The following GLIS2 variants were observed in gnomAD, a reference collection of about 807,000 sequenced individuals.
The protein encoded by GLIS2 is zinc finger protein GLIS2.
In GLIS2, 14 loss-of-function variants were observed where a neutral mutation model predicts 35.6. The ratio of observed to expected loss-of-function variants is 0.39; its 90% CI spans 0.26 to 0.61. The LOEUF (loss-of-function observed/expected upper bound fraction) is 0.61, where lower values mean the gene tolerates loss of function less well. Ranked by LOEUF, GLIS2 falls within the 20% of genes least tolerant of loss-of-function variation. GLIS2 has a pLI of 0.48. For synonymous variants in GLIS2, 368 were observed against 325.1 expected (o/e 1.13, Z -1.42); for missense variants, 675 against 713.4 (o/e 0.95, Z 0.61).
chr16:4,339,189 G>A lies in GLIS2; in HGVS notation c.*1665G>A, dbSNP rs2053597302. ...GGGGCTATGAGCAAGGTAGGAGGGA[G>A]CTGGTCTCCTTTCTTCGGGCCCCAC... On this transcript the variant is annotated 3_prime_UTR_variant, in exon 7 of 7. Transcript: ENST00000433375. 6.6e-6 allele frequency: 1 copy of A among 152,530 alleles called. No homozygotes were observed. The highest frequency in any genetic ancestry group is 2.4e-5 in the African/African-American group (1 of 41,472). 9.4% of individuals were successfully genotyped at this position (152,530 alleles called of 1,614,324 possible).
rs768048691 is a variant in GLIS2, at chr16:4,337,345, G to A, written c.1396G>A (p.Glu466Lys). 1 of 1,589,866 alleles carries A rather than the reference G, an allele frequency of 6.3e-7. No individual in the cohort carries two copies. Among genetic ancestry groups the A allele is most frequent in the South Asian group, 1.1e-5 (1 of 87,562 alleles). The change falls in exon 7 of 7, where the codon GAA becomes AAA. Residue 466 changes from glutamate to lysine, a missense_variant. Physicochemically the swap from Glu to Lys is moderately conservative, Grantham distance 56. Coordinates refer to ENST00000433375, the MANE Select transcript of GLIS2 (RefSeq NM_032575.3). ...LGMEGHKTPL[E>K]RTESSCSRPS... ...CATGGAGGGCCACAAGACGCCCCTTGAAAGGACGGAGAGCAGCTGCTCCCG... is the reference window on the plus strand; with the variant it reads ...CATGGAGGGCCACAAGACGCCCCTTAAAAGGACGGAGAGCAGCTGCTCCCG...
upstream of GLIS2, among the ~76,000 whole-genome samples, chr16:4,315,804 C>T (rs1325264994): frequency 1.3e-5 from 2 of 150,448 alleles, no homozygotes; most frequent in Non-Finnish European, 3.0e-5. Context: ...CGGCCCAGCG[C>T]CGGCTCCCGC....
intron 1 of GLIS2, among the ~76,000 whole-genome samples, chr16:4,330,079 C>A (rs1439484131): frequency 6.6e-6 from 1 of 152,132 alleles, no homozygotes; most frequent in African/African-American, 2.4e-5. Context: ...GAGTTTGAGA[C>A]CAGCCTGGCC....
intron 1 of GLIS2, among the ~76,000 whole-genome samples, chr16:4,323,327 G>A (rs1041596978): frequency 2.6e-5 from 4 of 152,194 alleles, no homozygotes; most frequent in African/African-American, 9.7e-5. Flanking sequence ...AGGTGTGGGG[G>A]CTGCGGGGCG....
rs772084757 is a variant in GLIS2 at position 4,337,483 on chromosome 16, C to A, written c.1534C>A (p.Pro512Thr). The A allele has an allele frequency of 1.3e-6, 2 of 1,570,288 alleles. No individual in the cohort carries two copies. The highest frequency in any genetic ancestry group is 2.3e-5 in the South Asian group (2 of 86,520). Reference protein sequence around the residue: ...EALAPGWVVIPPGSVLLKPAV... With the variant: ...EALAPGWVVITPGSVLLKPAV... ...GTTGGCCCCTGGCTGGGTGGTCATC[C>A]CGCCGGGCTCGGTGCTGCTCAAACC... The change falls in exon 7 of 7, where the codon CCG becomes ACG. Residue 512 changes from proline (P) to threonine (T), a missense_variant. Physicochemically the swap from Pro to Thr is conservative, Grantham distance 38. Coordinates refer to ENST00000433375, the MANE Select transcript of GLIS2 (RefSeq NM_032575.3).
At chr16:4,328,104 G>A (rs889763627) in intron 1 of GLIS2, among the ~76,000 whole-genome samples, 5 of 152,230 alleles carry the variant, frequency 3.3e-5, no homozygotes, top group African/African-American at 9.6e-5. Flanking sequence ...TGCGCCCGGG[G>A]AGCATCCACG....
intron 1 of GLIS2, among the ~76,000 whole-genome samples, chr16:4,330,854 G>A (rs372656196): frequency 3.2e-4 from 49 of 152,346 alleles, no homozygotes; most frequent in Middle Eastern, 6.8e-3. Flanking sequence ...TCTCTGCAGC[G>A]CTGTGACATG....
intron 1 of GLIS2, among the ~76,000 whole-genome samples, chr16:4,331,181 C>T (rs1343461515): frequency 6.6e-6 from 1 of 151,930 alleles, no homozygotes; most frequent in Non-Finnish European, 1.5e-5. Flanking sequence ...GGGGTTTCAG[C>T]GTGTTAGCCA....
In GLIS2 at chr16:4,332,143, G is replaced by C; in HGVS notation, c.-66-72G>C. 2 of 1,095,668 alleles carry C rather than the reference G, an allele frequency of 1.8e-6. No homozygotes were observed. The highest frequency in any genetic ancestry group is 2.7e-6 in the Non-Finnish European group (2 of 746,142). The allele number at this position is 1,095,668 out of a possible 1,614,324, so 67.9% of individuals were successfully genotyped here. A position where few individuals can be genotyped will look rare whatever the true frequency, so the allele number is the denominator to read the frequency against. ...CTGCCCCCTGCTCCTGCTCCTGTTA[G>C]ACTGTCATGAGTACAGCCCGAGGAG... On this transcript the variant is annotated intron_variant, in intron 1 of 6. Transcript: ENST00000433375. This position sits in a 1 kb window ranked among gnomAD's most constrained non-coding sequence, Gnocchi z 5.4.
At chr16:4,328,740 C>T (rs1427193065) in intron 1 of GLIS2, among the ~76,000 whole-genome samples, 3 of 152,162 alleles carry the variant, frequency 2.0e-5, no homozygotes, top group South Asian at 4.1e-4. Context: ...GGCTTTGGGC[C>T]GTGTGGCTGG....
intron 6 of GLIS2, 117 bp from the exon 7 acceptor site, chr16:4,336,608 A>T (rs537030855): frequency 1.9e-6 from 2 of 1,025,932 alleles, no homozygotes; most frequent in South Asian, 1.4e-5. Context: ...TGCCCCCAGA[A>T]TTGGGGCATC....
At position 4,320,523 on chromosome 16, in the gene GLIS2, C is replaced by G. The variant is rs1330630606; in HGVS notation, c.-67+4269C>G. ...AGTCTGGGGCTGTCTGGCCCTGACC[C>G]CTGAAATGTCGGTTTAGCCTGGGAA... On this transcript the variant is annotated intron_variant, in intron 1 of 6. Transcript: ENST00000433375. The surrounding 1 kb of genome is among the most constrained non-coding windows in gnomAD (Gnocchi z 5.6). 6.6e-6 allele frequency among the ~76,000 whole-genome samples: 1 copy of G among 152,064 alleles called. No homozygotes were observed. Among genetic ancestry groups the G allele is most frequent in the Non-Finnish European group, 1.5e-5 (1 of 68,014 alleles).
In GLIS2 at chr16:4,338,874, T is replaced by G. The variant is rs1360028136; in HGVS notation, c.*1350T>G. The G allele has an allele frequency of 6.6e-6, 1 of 152,382 alleles. No homozygotes were observed. Among genetic ancestry groups the G allele is most frequent in the African/African-American group, 2.4e-5 (1 of 41,466 alleles). The allele number at this position is 152,382 out of a possible 1,614,324, so 9.4% of individuals were successfully genotyped here. On this transcript the variant is annotated 3_prime_UTR_variant, in exon 7 of 7. Coordinates refer to ENST00000433375, the MANE Select transcript of GLIS2 (RefSeq NM_032575.3). Reference sequence around the variant, plus strand: ...GCACCCCCCATCTGGGGCCTCTCCCTGCTCCCTCTCCCACCTGGCAGCTGG... The same window carrying G: ...GCACCCCCCATCTGGGGCCTCTCCCGGCTCCCTCTCCCACCTGGCAGCTGG...
At position 4,332,558 on chromosome 16, in the gene GLIS2, T is replaced by C; in HGVS notation, c.172+106T>C. On this transcript the variant is annotated intron_variant, in intron 2 of 6. Coordinates refer to ENST00000433375, the MANE Select transcript of GLIS2 (RefSeq NM_032575.3). This position sits in a 1 kb window ranked among gnomAD's most constrained non-coding sequence, Gnocchi z 5.4. The stretch of plus-strand genomic sequence containing the variant: ...GCATGTAGCTGCAGCCCCTCTCGGC[T>C]TCCGGTTCATGGGAAGCCCGCACGC... 1 of 1,339,516 alleles carries C rather than the reference T, an allele frequency of 7.5e-7. No individual in the cohort carries two copies. Among genetic ancestry groups the C allele is most frequent in the South Asian group, 1.3e-5 (1 of 79,902 alleles). 83.0% of individuals were successfully genotyped at this position (1,339,516 alleles called of 1,614,324 possible).
intron 1 of GLIS2, among the ~76,000 whole-genome samples, chr16:4,318,564 A>G (rs975035452): frequency 6.7e-6 from 1 of 150,212 alleles, no homozygotes; most frequent in Non-Finnish European, 1.5e-5. Flanking sequence ...CCCCGCCTGA[A>G]CTCCCCTTGC....
chr16:4,320,130 G>A lies in GLIS2; in HGVS notation c.-67+3876G>A, dbSNP rs1465930437. Among the ~76,000 whole-genome samples the A allele has an allele frequency of 1.3e-5, 2 of 152,122 alleles. No individual in the cohort carries two copies. The highest frequency in any genetic ancestry group is 6.5e-5 in the Admixed American group (1 of 15,272). ...GTAGTGCCCACCGCAGGGAGGGGCCGGCCTGTGAGTGTCACATGTGCGTGC... is the reference window on the plus strand; with the variant it reads ...GTAGTGCCCACCGCAGGGAGGGGCCAGCCTGTGAGTGTCACATGTGCGTGC... On this transcript the variant is annotated intron_variant, in intron 1 of 6. Transcript: ENST00000433375. The surrounding 1 kb of genome is among the most constrained non-coding windows in gnomAD (Gnocchi z 5.6).
intron 2 of GLIS2, 136 bp from the exon 3 acceptor site, chr16:4,333,211 T>C: frequency 1.1e-6 from 1 of 928,612 alleles, no homozygotes; most frequent in South Asian, 1.4e-5. Context: ...CTCCACAGGC[T>C]GCTCCTCACA....
At chr16:4,318,135 G>A (rs1438926638) in intron 1 of GLIS2, among the ~76,000 whole-genome samples, 2 of 152,184 alleles carry the variant, frequency 1.3e-5, no homozygotes, top group Non-Finnish European at 2.9e-5. Context: ...CTGCTTTTGG[G>A]GTCAGTGGCT....
chr16:4,334,070 G>C (rs542940239), intron 3 of GLIS2, among the ~76,000 whole-genome samples: 1 of 148,120 alleles, frequency 6.8e-6, no homozygotes, highest in East Asian at 2.0e-4. Context: ...AGCCTCCCAA[G>C]CTGGGACTAC....
Sources: allele counts gnomAD v4.1 joint callset (sites outside exome capture counted in the v4.1 genomes callset), GRCh38; gene constraint gnomAD v4.1.1; non-coding constraint Gnocchi (gnomAD v3.1); transcripts MANE v1.5; gene names NCBI Gene and HGNC (gene_info 2026-07-23, HGNC 2026-07-21).